PPP1R1C: variants seen among roughly 807,000 people sequenced by gnomAD.
PPP1R1C encodes protein phosphatase 1 regulatory subunit 1C.
In PPP1R1C, 15 loss-of-function variants were observed where a neutral mutation model predicts 17.4. That is an observed-to-expected ratio of 0.86 (90% confidence interval 0.58 to 1.33). The LOEUF (loss-of-function observed/expected upper bound fraction) is 1.33. Among genes scored for constraint, PPP1R1C ranks in the 40% most tolerant of loss-of-function variants. The pLI, the probability that PPP1R1C is intolerant of heterozygous loss-of-function variation, is 0.00. For missense variants in PPP1R1C, 143 were observed against 130.0 expected (o/e 1.10, Z -0.48); for synonymous variants, 35 against 43.1 (o/e 0.81, Z 0.73).
At chr2:181,981,245 A>T (rs955641434), upstream of PPP1R1C, among the ~76,000 whole-genome samples, 2 of 152,210 alleles carry the variant, frequency 1.3e-5, no homozygotes, top group Non-Finnish European at 2.9e-5. Flanking sequence ...AGTTTTAAAG[A>T]ACACAGTAGG....
At position 181,957,289 on chromosome 2, in the gene PPP1R1C, G is replaced by A. The variant is rs1219282751; in HGVS notation, n.111+2655G>A. On this transcript the variant is annotated intron_variant and non_coding_transcript_variant, in intron 1 of 5. Coordinates refer to the PPP1R1C transcript ENST00000464264. The surrounding 1 kb of genome is among the most constrained non-coding windows in gnomAD (Gnocchi z 4.2). Reference sequence around the variant, plus strand: ...GCAGAATTGCTTGAACCCGGGAGGTGGAGGTTGTGGTAAGCCGAGGTAGCG... The same window carrying A: ...GCAGAATTGCTTGAACCCGGGAGGTAGAGGTTGTGGTAAGCCGAGGTAGCG... 6.6e-6 allele frequency among the ~76,000 whole-genome samples: 1 copy of A among 152,142 alleles called. No homozygotes were observed. Among genetic ancestry groups the A allele is most frequent in the Admixed American group, 6.5e-5 (1 of 15,278 alleles).
chr2:181,970,252 C>A (rs1218165045), intron 1 of PPP1R1C, among the ~76,000 whole-genome samples: 1 of 151,792 alleles, frequency 6.6e-6, no homozygotes, highest in African/African-American at 2.4e-5. Flanking sequence ...GCAGTCTGTG[C>A]TTATTTGTAC....
intron 5 of PPP1R1C, among the ~76,000 whole-genome samples, chr2:182,124,139 A>G (rs1689806676): frequency 1.3e-5 from 2 of 152,100 alleles, no homozygotes; most frequent in Non-Finnish European, 2.9e-5. Flanking sequence ...TGTTTTTGTC[A>G]GGACTGTCAA....
chr2:181,969,764 G>A (rs900117223), intron 1 of PPP1R1C, among the ~76,000 whole-genome samples: 2 of 152,108 alleles, frequency 1.3e-5, no homozygotes, highest in Non-Finnish European at 2.9e-5. Context: ...AGGCTATTTT[G>A]TAGATCTTGT....
chr2:182,126,430 T>G (rs1444721530), intron 5 of PPP1R1C, among the ~76,000 whole-genome samples: 1 of 152,140 alleles, frequency 6.6e-6, no homozygotes, highest in Non-Finnish European at 1.5e-5. Flanking sequence ...GAAATGTCTA[T>G]TTTGTCTATG....
upstream of PPP1R1C, among the ~76,000 whole-genome samples, chr2:181,985,567 G>C (rs1050421864): frequency 6.6e-6 from 1 of 152,252 alleles, no homozygotes; most frequent in East Asian, 1.9e-4. The surrounding 1 kb of genome is among the most constrained non-coding windows in gnomAD (Gnocchi z 4.1). Flanking sequence ...AATAGCAAAG[G>C]TATCTGACTT....
At chr2:182,086,137 A>C (rs1688622147) in intron 4 of PPP1R1C, among the ~76,000 whole-genome samples, 1 of 152,152 alleles carries the variant, frequency 6.6e-6, no homozygotes, top group Non-Finnish European at 1.5e-5. Flanking sequence ...TAGCTAAAAC[A>C]TTATTGAAAG....
Position 181,991,872 on chromosome 2 carries a change from A to AT in PPP1R1C, c.142+3982dup, listed in dbSNP as rs1013503891. On this transcript the variant is annotated intron_variant, in intron 2 of 4. Coordinates refer to ENST00000682840, the MANE Select transcript of PPP1R1C (RefSeq NM_001080545.3). ...TAGTGAACTGGTTTGGTTCCTATAT[A>AT]TTTTTTTTTATCTAGAGAGCTGCTT... 4.1e-4 allele frequency among the ~76,000 whole-genome samples: 62 copies of AT among 151,406 alleles called. No individual in the cohort carries two copies. In the East Asian group the frequency reaches 4.3e-3, roughly 10 times the overall value.
At chr2:182,125,835 T>C (rs1689860212) in intron 5 of PPP1R1C, among the ~76,000 whole-genome samples, 1 of 152,132 alleles carries the variant, frequency 6.6e-6, no homozygotes, top group Non-Finnish European at 1.5e-5. Flanking sequence ...TGTTAATCTT[T>C]TCAAAGAAAA....
Position 182,021,321 on chromosome 2 carries a change from CTTTTTTTTT to C in PPP1R1C, c.142+33441_142+33449del, listed in dbSNP as rs71008205. On this transcript the variant is annotated intron_variant, in intron 2 of 4. Coordinates refer to ENST00000682840, the MANE Select transcript of PPP1R1C (RefSeq NM_001080545.3). Reference sequence around the variant, plus strand: ...TTATGGTTATTCTTTCTCTCTCTCTCTTTTTTTTTTTTTTTTTTTTTTTTTTTAATGGAG... The same window carrying C: ...TTATGGTTATTCTTTCTCTCTCTCTCTTTTTTTTTTTTTTTTTTAATGGAG... 7.5e-4 allele frequency among the ~76,000 whole-genome samples: 67 copies of C among 89,644 alleles called. 1 individual carries two copies. The highest frequency in any genetic ancestry group is 0.01 in the Middle Eastern group (1 of 96). 58.8% of individuals were successfully genotyped at this position (89,644 alleles called of 152,430 possible).
In PPP1R1C at chr2:182,117,503, A is replaced by G; in HGVS notation, c.*208A>G. ...GTTCCACATCACTTATAATTAAAGA[A>G]TAAGCATTTATTTTACAGTGATTCT... is the stretch of plus-strand genomic sequence containing the variant. On this transcript the variant is annotated 3_prime_UTR_variant, in exon 5 of 5. Coordinates refer to ENST00000682840, the MANE Select transcript of PPP1R1C (RefSeq NM_001080545.3). The G allele has an allele frequency of 2.2e-6, 1 of 449,696 alleles. No individual in the cohort carries two copies. The highest frequency in any genetic ancestry group is 4.0e-6 in the Non-Finnish European group (1 of 249,866). The allele number at this position is 449,696 out of a possible 1,614,324, so 27.9% of individuals were successfully genotyped here.
At chr2:182,029,323 T>C (rs1233314359) in intron 2 of PPP1R1C, among the ~76,000 whole-genome samples, 1 of 152,222 alleles carries the variant, frequency 6.6e-6, no homozygotes. Context: ...GTCTTTACAT[T>C]TTGGCATGAT....
chr2:182,036,063 G>C (rs1686995990), intron 2 of PPP1R1C, among the ~76,000 whole-genome samples: 1 of 152,106 alleles, frequency 6.6e-6, no homozygotes, highest in Non-Finnish European at 1.5e-5. Flanking sequence ...GAGAAAACGG[G>C]CTCTCCAAAA....
downstream of PPP1R1C, among the ~76,000 whole-genome samples, chr2:182,119,719 T>C (rs1249504780): frequency 6.6e-6 from 1 of 152,252 alleles, no homozygotes; most frequent in Non-Finnish European, 1.5e-5. Context: ...GAGAAGTGTC[T>C]GTTCATATCC....
chr2:182,032,181 C>T (rs1364135692), intron 2 of PPP1R1C, among the ~76,000 whole-genome samples: 1 of 152,168 alleles, frequency 6.6e-6, no homozygotes, highest in Non-Finnish European at 1.5e-5. Flanking sequence ...GTCAAGGGGG[C>T]CATCCCTTTC....
At chr2:182,103,937 A>G (rs1689174511) in intron 4 of PPP1R1C, 1 of 152,214 alleles carries the variant, frequency 6.6e-6, no homozygotes, top group African/African-American at 2.4e-5. Flanking sequence ...CAGGAGAATC[A>G]CTGAGGGGAC....
In PPP1R1C at chr2:181,957,132, G is replaced by A. The variant is rs1684682923; in HGVS notation, n.111+2498G>A. ...CTCACCACTTTGGGAGGCTGAGGTG[G>A]GCGGATTATCTGAGGTCAGGAGTTC... On this transcript the variant is annotated intron_variant and non_coding_transcript_variant, in intron 1 of 5. Coordinates refer to the PPP1R1C transcript ENST00000464264. This position sits in a 1 kb window ranked among gnomAD's most constrained non-coding sequence, Gnocchi z 4.2. Among the ~76,000 whole-genome samples the A allele has an allele frequency of 6.6e-6, 1 of 152,182 alleles. No individual in the cohort carries two copies.
rs150863213 is a variant in PPP1R1C at position 181,973,556 on chromosome 2, A to C, written n.112-1663A>C. ...AGGTAAGCAGAAGAAGCAAGACAGGAGAGAGCTATTTGTCAAGTTTTATAG... is the reference window on the plus strand; with the variant it reads ...AGGTAAGCAGAAGAAGCAAGACAGGCGAGAGCTATTTGTCAAGTTTTATAG... On this transcript the variant is annotated intron_variant and non_coding_transcript_variant, in intron 1 of 5. Coordinates refer to the PPP1R1C transcript ENST00000464264. 7.0e-4 allele frequency among the ~76,000 whole-genome samples: 106 copies of C among 152,348 alleles called. 2 individuals are homozygous for C. In the East Asian group the frequency reaches 0.017, roughly 25 times the overall value.
rs772580363 is a variant in PPP1R1C, at chr2:181,987,834, C to T, written c.82-5C>T. On this transcript the variant is annotated splice_polypyrimidine_tract_variant and splice_region_variant and intron_variant, in intron 1 of 4. Transcript: ENST00000682840. The stretch of plus-strand genomic sequence containing the variant: ...TGATATTAGCTGGGCTTTTGTCGTT[C>T]ACAGATCAGGAAAAGAAGACCTACA... 6.2e-7 allele frequency: 1 copy of T among 1,612,764 alleles called. No individual in the cohort carries two copies. The highest frequency in any genetic ancestry group is 1.1e-5 in the South Asian group (1 of 90,968).
Sources: allele counts gnomAD v4.1 joint callset (sites outside exome capture counted in the v4.1 genomes callset), GRCh38; gene constraint gnomAD v4.1.1; non-coding constraint Gnocchi (gnomAD v3.1); transcripts MANE v1.5; gene names NCBI Gene and HGNC (gene_info 2026-07-23, HGNC 2026-07-21).